Variants in DDAH1 observed in about 807,000 individuals in gnomAD.
DDAH1 encodes the protein N(G),N(G)-dimethylarginine dimethylaminohydrolase 1.
Under a neutral mutation model 28.8 loss-of-function variants are expected in DDAH1, and 19 were observed. The observed-to-expected ratio is 0.66, with a 90% CI of 0.46 to 0.97. The LOEUF (loss-of-function observed/expected upper bound fraction) is 0.97. Ranked by LOEUF, DDAH1 falls within the 50% of genes least tolerant of loss-of-function variation. The probability of loss-of-function intolerance (pLI) is 0.00; values close to 1 mark genes in which losing one functional copy is unlikely to be tolerated. For synonymous variants in DDAH1, 153 were observed against 154.4 expected (o/e 0.99, Z 0.07); for missense variants, 326 against 375.9 (o/e 0.87, Z 1.10).
At chr1:85,576,347 A>T (rs1338993735) in intron 1 of DDAH1, among the ~76,000 whole-genome samples, 1 of 152,188 alleles carries the variant, frequency 6.6e-6, no homozygotes, top group Non-Finnish European at 1.5e-5. Flanking sequence ...GAGGATGAGC[A>T]GCGTCCCCAA....
chr1:85,542,402 TCA>T (rs1658495795), intron 1 of DDAH1, among the ~76,000 whole-genome samples: 1 of 152,230 alleles, frequency 6.6e-6, no homozygotes, highest in Non-Finnish European at 1.5e-5. Flanking sequence ...TCTAAGGAAA[TCA>T]GTATTCTCTA....
chr1:85,522,549 ATCTC>A (rs1303250859), intron 1 of DDAH1, among the ~76,000 whole-genome samples: 1 of 151,810 alleles, frequency 6.6e-6, no homozygotes, highest in Non-Finnish European at 1.5e-5. Context: ...TTACCACTGC[ATCTC>A]TCTATCACAT....
chr1:85,564,680 C>A (rs1443410000), intron 1 of DDAH1, among the ~76,000 whole-genome samples: 7 of 151,682 alleles, frequency 4.6e-5, no homozygotes, highest in African/African-American at 1.5e-4. Context: ...CCAGCCTGGT[C>A]AACATGGTGA....
chr1:85,366,076 C>T (rs948223549), intron 1 of DDAH1, among the ~76,000 whole-genome samples: 11 of 149,970 alleles, frequency 7.3e-5, no homozygotes, highest in African/African-American at 2.7e-4. Flanking sequence ...GAACTGAGAG[C>T]AATTCTCGGC....
At chr1:85,511,434 A>G (rs1239718693) in intron 1 of DDAH1, among the ~76,000 whole-genome samples, 1 of 152,220 alleles carries the variant, frequency 6.6e-6, no homozygotes, top group East Asian at 1.9e-4. Context: ...CATCACAATT[A>G]AAAGAACTAG....
At chr1:85,431,511 T>C (rs556439011) in intron 1 of DDAH1, among the ~76,000 whole-genome samples, 24 of 152,196 alleles carry the variant, frequency 1.6e-4, no homozygotes, top group African/African-American at 5.3e-4. Flanking sequence ...CTTTGTCTAA[T>C]AACCAGAAAA....
chr1:85,500,253 T>C (rs751976356), intron 1 of DDAH1, among the ~76,000 whole-genome samples: 54 of 150,854 alleles, frequency 3.6e-4, no homozygotes, highest in South Asian at 1.9e-3. Context: ...CCTTCCTTCC[T>C]TTTTTCCTGT....
chr1:85,390,716 C>T (rs1466381974), intron 1 of DDAH1, among the ~76,000 whole-genome samples: 5 of 152,100 alleles, frequency 3.3e-5, no homozygotes, highest in Non-Finnish European at 7.4e-5. Context: ...GATCTTAGAG[C>T]CAAAGCCATC....
intron 4 of DDAH1, among the ~76,000 whole-genome samples, chr1:85,333,019 C>T (rs1341008069): frequency 7.5e-6 from 1 of 132,668 alleles, no homozygotes; most frequent in African/African-American, 2.7e-5. Context: ...CTGGAGGCCC[C>T]AAAATCAGCC....
chr1:85,427,651 T>C (rs913163989), intron 1 of DDAH1, among the ~76,000 whole-genome samples: 5 of 152,224 alleles, frequency 3.3e-5, no homozygotes, highest in Admixed American at 1.3e-4. Flanking sequence ...TGACTGTCTG[T>C]TGTCAATTGC....
intron 1 of DDAH1, among the ~76,000 whole-genome samples, chr1:85,540,314 C>T (rs1371600617): frequency 6.6e-6 from 1 of 152,116 alleles, no homozygotes; most frequent in East Asian, 1.9e-4. Context: ...TGGGCCTTGG[C>T]GTTGATTTCT....
intron 1 of DDAH1, among the ~76,000 whole-genome samples, chr1:85,517,946 C>T (rs1283493098): frequency 6.6e-6 from 1 of 152,170 alleles, no homozygotes; most frequent in East Asian, 1.9e-4. Flanking sequence ...GTTCCAGGGC[C>T]CTGTTGGACA....
intron 1 of DDAH1, among the ~76,000 whole-genome samples, chr1:85,509,056 C>A (rs1297244068): frequency 1.3e-5 from 2 of 152,250 alleles, no homozygotes; most frequent in Non-Finnish European, 1.5e-5. Flanking sequence ...AACTGGGAGA[C>A]ATCTCCTAGT....
intron 1 of DDAH1, among the ~76,000 whole-genome samples, chr1:85,565,452 T>G (rs2100556187): frequency 6.6e-6 from 1 of 152,244 alleles, no homozygotes; most frequent in South Asian, 2.1e-4. Flanking sequence ...AATTTCCTGG[T>G]TTGATATTGT....
chr1:85,339,210 C>CT (rs1271509818), intron 4 of DDAH1, among the ~76,000 whole-genome samples: 21 of 152,246 alleles, frequency 1.4e-4, no homozygotes, highest in African/African-American at 4.6e-4. Flanking sequence ...TACAAAAACT[C>CT]TAATAGATTC....
chr1:85,427,928 G>C (rs1653487923), intron 1 of DDAH1, among the ~76,000 whole-genome samples: 1 of 152,156 alleles, frequency 6.6e-6, no homozygotes, highest in Non-Finnish European at 1.5e-5. Context: ...TAATAGTGTG[G>C]CTGAACACAG....
chr1:85,412,574 T>A (rs979459940), intron 1 of DDAH1, among the ~76,000 whole-genome samples: 6 of 152,174 alleles, frequency 3.9e-5, no homozygotes, highest in Admixed American at 1.3e-4. Flanking sequence ...TAATCCCACC[T>A]CTTTTTGGCT....
chr1:85,336,744 T>G (rs560629789), intron 4 of DDAH1, among the ~76,000 whole-genome samples: 72 of 151,392 alleles, frequency 4.8e-4, no homozygotes, highest in Non-Finnish European at 8.1e-4. Context: ...AAACTAAAAG[T>G]TTTTTTTTGA....
chr1:85,400,285 G>A (rs1208530165), intron 1 of DDAH1, among the ~76,000 whole-genome samples: 1 of 134,216 alleles, frequency 7.5e-6, no homozygotes, highest in Admixed American at 9.0e-5. Context: ...TCCACCTCCT[G>A]AGTTCAAGCA....
Sources: gnomAD v4.1 joint callset for allele counts (sites outside exome capture counted in the v4.1 genomes callset) on GRCh38, gnomAD v4.1.1 for gene constraint, MANE v1.5 for transcripts, NCBI Gene and HGNC (gene_info 2026-07-23, HGNC 2026-07-21) for gene names.